The following APBA1 variants were observed in gnomAD, a reference collection of about 807,000 sequenced individuals.
APBA1 encodes amyloid beta precursor protein binding family A member 1, also known as amyloid-beta A4 precursor protein-binding family A member 1.
In APBA1, 55 loss-of-function variants were observed where a neutral mutation model predicts 86.6. The observed-to-expected ratio is 0.64, with a 90% confidence interval of 0.51 to 0.80. The LOEUF (loss-of-function observed/expected upper bound fraction) is 0.80, where lower values mean the gene tolerates loss of function less well. APBA1 is among the 30% of genes least tolerant of loss of function. The pLI, the probability that APBA1 is intolerant of heterozygous loss-of-function variation, is 0.00. For missense variants in APBA1, 1,090 were observed against 1,183.0 expected (o/e 0.92, Z 1.15); for synonymous variants, 511 against 493.9 (o/e 1.03, Z -0.46).
chr9:69,512,982 C>T (rs1836076515), intron 2 of APBA1, among the ~76,000 whole-genome samples: 1 of 152,074 alleles, frequency 6.6e-6, no homozygotes, highest in Non-Finnish European at 1.5e-5. Context: ...ATTATATTCT[C>T]AGTAGACCAT....
rs1834522880 is a variant in APBA1 at position 69,428,243 on chromosome 9, G to A, written c.*3084C>T. 1 of 152,410 alleles carries A rather than the reference G, an allele frequency of 6.6e-6. No individual in the cohort carries two copies. The highest frequency in any genetic ancestry group is 6.5e-5 in the Admixed American group (1 of 15,282). The allele number at this position is 152,410 out of a possible 1,614,324, so 9.4% of individuals were successfully genotyped here. A position where few individuals can be genotyped will look rare whatever the true frequency, so the allele number is the denominator to read the frequency against. On this transcript the variant is annotated 3_prime_UTR_variant, in exon 13 of 13. Coordinates refer to ENST00000265381, the MANE Select transcript of APBA1 (RefSeq NM_001163.4). Reference sequence around the variant, plus strand: ...AGAGGAGCGATGGGGGAGGTAGTAGGTTACTCTGGGACTCCCTGAAGGCGG... The same window carrying A: ...AGAGGAGCGATGGGGGAGGTAGTAGATTACTCTGGGACTCCCTGAAGGCGG...
At chr9:69,599,851 G>T (rs538441781) in intron 1 of APBA1, among the ~76,000 whole-genome samples, 1 of 152,276 alleles carries the variant, frequency 6.6e-6, no homozygotes, top group African/African-American at 2.4e-5. Flanking sequence ...CAGCACATTC[G>T]CTCGAAGGGA....
chr9:69,512,850 G>C (rs1159150792), intron 2 of APBA1, among the ~76,000 whole-genome samples: 2 of 152,270 alleles, frequency 1.3e-5, no homozygotes, highest in East Asian at 3.9e-4. Context: ...GTACCACCCA[G>C]ACAGACTTCA....
chr9:69,513,548 C>G (rs577725862), intron 2 of APBA1, among the ~76,000 whole-genome samples: 36 of 152,334 alleles, frequency 2.4e-4, no homozygotes, highest in African/African-American at 8.7e-4. Flanking sequence ...TTGCTGCAAT[C>G]CCTCCTAGCT....
Position 69,543,283 on chromosome 9 carries a change from C to T in APBA1, c.-69-26004G>A, listed in dbSNP as rs1339951163. ...CCCTGCTGTGCTGGGATTTCCCCCC[C>T]CCCCCCCCGGCCTGTCCTCCACAGC... On this transcript the variant is annotated intron_variant, in intron 1 of 12. Coordinates refer to ENST00000265381, the MANE Select transcript of APBA1 (RefSeq NM_001163.4). Among the ~76,000 whole-genome samples, 4 of 5,480 alleles carry T rather than the reference C, an allele frequency of 7.3e-4. No individual in the cohort carries two copies. The South Asian group carries it at 7.9e-3, about 11-fold the overall frequency. The allele number at this position is 5,480 out of a possible 152,430, so 3.6% of individuals were successfully genotyped here. A position where few individuals can be genotyped will look rare whatever the true frequency, so the allele number is the denominator to read the frequency against.
chr9:69,562,164 A>C (rs757734766), intron 1 of APBA1, among the ~76,000 whole-genome samples: 3 of 152,210 alleles, frequency 2.0e-5, no homozygotes, highest in Non-Finnish European at 4.4e-5. Context: ...ATCATTATAC[A>C]ACGTATACGT....
At chr9:69,626,359 T>C (rs1822929563) in intron 1 of APBA1, among the ~76,000 whole-genome samples, 1 of 152,104 alleles carries the variant, frequency 6.6e-6, no homozygotes, top group African/African-American at 2.4e-5. Context: ...TGGCTTTTTT[T>C]TCCCCACAAA....
chr9:69,629,524 T>C (rs1187742304), intron 1 of APBA1, among the ~76,000 whole-genome samples: 1 of 152,180 alleles, frequency 6.6e-6, no homozygotes, highest in Non-Finnish European at 1.5e-5. Context: ...ACATTCTGTG[T>C]TATGGTAAAA....
At chr9:69,594,218 C>T (rs1009417285) in intron 1 of APBA1, among the ~76,000 whole-genome samples, 9 of 152,098 alleles carry the variant, frequency 5.9e-5, no homozygotes. Context: ...GCTCAAACTT[C>T]AATGTGCCTA....
chr9:69,604,322 G>C (rs1337342271), intron 1 of APBA1, among the ~76,000 whole-genome samples: 1 of 145,036 alleles, frequency 6.9e-6, no homozygotes, highest in Non-Finnish European at 1.5e-5. Context: ...ATGAGTGTGG[G>C]CACACATGCA....
intron 2 of APBA1, among the ~76,000 whole-genome samples, chr9:69,511,204 A>G (rs998807701): frequency 5.3e-5 from 8 of 152,206 alleles, no homozygotes; most frequent in African/African-American, 1.7e-4. Context: ...AGAATCTACA[A>G]TGAACTCAAA....
chr9:69,634,565 A>C (rs547844901), intron 1 of APBA1, among the ~76,000 whole-genome samples: 11 of 152,340 alleles, frequency 7.2e-5, no homozygotes, highest in African/African-American at 2.6e-4. Context: ...ATTCAAAGGG[A>C]TAATAACAGA....
chr9:69,649,480 C>T (rs943572082), intron 1 of APBA1, among the ~76,000 whole-genome samples: 2 of 152,012 alleles, frequency 1.3e-5, no homozygotes, highest in Non-Finnish European at 2.9e-5. Context: ...CCCACAGGAC[C>T]AGGTCTTCCT....
At chr9:69,482,583 G>C (rs1304325121) in intron 2 of APBA1, among the ~76,000 whole-genome samples, 1 of 150,660 alleles carries the variant, frequency 6.6e-6, no homozygotes, top group East Asian at 1.9e-4. Flanking sequence ...CAGGGATCTA[G>C]AACTAGAAAT....
intron 1 of APBA1, among the ~76,000 whole-genome samples, chr9:69,634,280 T>A (rs1162718890): frequency 2.6e-5 from 4 of 152,212 alleles, no homozygotes; most frequent in African/African-American, 9.6e-5. Flanking sequence ...AGTGCTGCCT[T>A]GTTGCAGCAG....
At chr9:69,432,440 T>C (rs1394431678) in intron 12 of APBA1, 96 bp downstream of exon 12, 1 of 1,271,884 alleles carries the variant, frequency 7.9e-7, no homozygotes, top group Non-Finnish European at 1.0e-6. Context: ...CTCAGGGAGC[T>C]TTCCTGGAAG....
chr9:69,631,069 C>A (rs1021912177), intron 1 of APBA1, among the ~76,000 whole-genome samples: 1 of 152,280 alleles, frequency 6.6e-6, no homozygotes, highest in African/African-American at 2.4e-5. Flanking sequence ...TAAGATTAAA[C>A]GATTTATCCT....
At chr9:69,538,890 T>C (rs1481464877) in intron 1 of APBA1, among the ~76,000 whole-genome samples, 1 of 152,232 alleles carries the variant, frequency 6.6e-6, no homozygotes, top group East Asian at 1.9e-4. Context: ...TCTGCTCCAC[T>C]GAATCAGCTT....
intron 1 of APBA1, among the ~76,000 whole-genome samples, chr9:69,619,868 T>C (rs1822780326): frequency 6.6e-6 from 1 of 152,226 alleles, no homozygotes; most frequent in African/African-American, 2.4e-5. Flanking sequence ...TATGTTCTGC[T>C]GAATGACATA....
Sources: allele counts gnomAD v4.1 joint callset (sites outside exome capture counted in the v4.1 genomes callset), GRCh38; gene constraint gnomAD v4.1.1; transcripts MANE v1.5; gene names NCBI Gene and HGNC (gene_info 2026-07-23, HGNC 2026-07-21).